The following TMED5 variants were observed in gnomAD, a reference collection of about 807,000 sequenced individuals.
TMED5 encodes the protein transmembrane emp24 domain-containing protein 5.
In TMED5, 27 loss-of-function variants were observed where a neutral mutation model predicts 23.0. The ratio of observed to expected loss-of-function variants is 1.17; its 90% CI spans 0.86 to 1.62. The LOEUF is 1.62. Among genes scored for constraint, TMED5 ranks in the 40% most tolerant of loss-of-function variants. The pLI is 0.00. For synonymous variants in TMED5, 97 were observed against 100.8 expected, an observed-to-expected ratio of 0.96 and a Z score of 0.23; for missense variants, 248 against 273.7, an observed-to-expected ratio of 0.91 and a Z score of 0.66.
intron 1 of TMED5, among the ~76,000 whole-genome samples, chr1:93,169,091 A>T (rs1004327846): frequency 6.6e-5 from 10 of 152,236 alleles, no homozygotes; most frequent in Non-Finnish European, 2.9e-5. Context: ...ACCATCAATC[A>T]AATGTGTCTA....
At chr1:93,174,733 C>T (rs1177234333) in intron 1 of TMED5, among the ~76,000 whole-genome samples, 3 of 152,168 alleles carry the variant, frequency 2.0e-5, no homozygotes, top group Non-Finnish European at 2.9e-5. Context: ...TAAGTGAGAA[C>T]ACGTGGTATT....
rs1018272716 is a variant in TMED5, at chr1:93,151,415, G to C, written c.*3255C>G. The C allele has an allele frequency of 6.6e-6, 1 of 152,186 alleles. No homozygotes were observed. The highest frequency in any genetic ancestry group is 1.5e-5 in the Non-Finnish European group (1 of 68,020). 9.4% of individuals were successfully genotyped at this position (152,186 alleles called of 1,614,324 possible). A position where few individuals can be genotyped will look rare whatever the true frequency, so the allele number is the denominator to read the frequency against. ...TTAAAATATTTCTGAAAATGAAATA[G>C]TCTCAAAGGAGTTTTGATTTTGCAA... On this transcript the variant is annotated 3_prime_UTR_variant, in exon 4 of 4. Coordinates refer to ENST00000370282, the MANE Select transcript of TMED5 (RefSeq NM_016040.5).
At chr1:93,165,895 C>T (rs1203802336) in intron 1 of TMED5, among the ~76,000 whole-genome samples, 3 of 152,100 alleles carry the variant, frequency 2.0e-5, no homozygotes, top group African/African-American at 7.2e-5. Flanking sequence ...CACACCTTCC[C>T]CTCCACCCCC....
In TMED5 at chr1:93,152,846, C is replaced by G. The variant is rs941405662; in HGVS notation, c.*1824G>C. On this transcript the variant is annotated 3_prime_UTR_variant, in exon 4 of 4. Coordinates refer to ENST00000370282, the MANE Select transcript of TMED5 (RefSeq NM_016040.5). Reference sequence around the variant, plus strand: ...GGCAAGGATCTTATTGACCTTTGTTCTGCAAGTGTTGCAGAGGATACCCCT... The same window carrying G: ...GGCAAGGATCTTATTGACCTTTGTTGTGCAAGTGTTGCAGAGGATACCCCT... 1 of 152,536 alleles carries G rather than the reference C, an allele frequency of 6.6e-6. No homozygotes were observed. Among genetic ancestry groups the G allele is most frequent in the South Asian group, 2.1e-4 (1 of 4,824 alleles). 9.4% of individuals were successfully genotyped at this position (152,536 alleles called of 1,614,324 possible).
At chr1:93,158,888 A>G (rs1316901318) in intron 2 of TMED5, 4 of 944,970 alleles carry the variant, frequency 4.2e-6, no homozygotes, top group Non-Finnish European at 5.0e-6. Flanking sequence ...TTATACACCT[A>G]TCAAAGAGAA....
chr1:93,153,061 T>C lies in TMED5; in HGVS notation c.*1609A>G, dbSNP rs1184277569. On this transcript the variant is annotated 3_prime_UTR_variant, in exon 4 of 4. Coordinates refer to ENST00000370282, the MANE Select transcript of TMED5 (RefSeq NM_016040.5). Reference sequence around the variant, plus strand: ...ACTCTCTGGTTATCATTATTGCTCATCAAGAATTCCAGCATTACTAACCTG... The same window carrying C: ...ACTCTCTGGTTATCATTATTGCTCACCAAGAATTCCAGCATTACTAACCTG... 6.6e-6 allele frequency: 1 copy of C among 152,606 alleles called. No individual in the cohort carries two copies. Among genetic ancestry groups the C allele is most frequent in the Non-Finnish European group, 1.5e-5 (1 of 68,004 alleles). The allele number at this position is 152,606 out of a possible 1,614,324, so 9.5% of individuals were successfully genotyped here. A position where few individuals can be genotyped will look rare whatever the true frequency, so the allele number is the denominator to read the frequency against.
chr1:93,158,074 A>C (rs1213159591), intron 2 of TMED5, among the ~76,000 whole-genome samples: 2 of 148,940 alleles, frequency 1.3e-5, no homozygotes, highest in Non-Finnish European at 3.0e-5. Flanking sequence ...CAGTGAGCCG[A>C]GATCGCGCCA....
At chr1:93,179,367 C>CAAAAAAA (rs11332484) in intron 1 of TMED5, among the ~76,000 whole-genome samples, 1 of 96,166 alleles carries the variant, frequency 1.0e-5, no homozygotes, top group African/African-American at 4.0e-5. Context: ...GACTCCGTCT[C>CAAAAAAA]AAAAAAAAAA....
At chr1:93,157,840 G>C (rs993340003) in intron 2 of TMED5, among the ~76,000 whole-genome samples, 1 of 152,126 alleles carries the variant, frequency 6.6e-6, no homozygotes, top group Non-Finnish European at 1.5e-5. Context: ...AAACAGATTT[G>C]TAGGCCGGGC....
At chr1:93,163,198 A>T (rs951483403) in intron 1 of TMED5, 1 of 152,154 alleles carries the variant, frequency 6.6e-6, no homozygotes, top group Non-Finnish European at 1.5e-5. Flanking sequence ...ATATTAAATC[A>T]GAAAACAAGC....
At chr1:93,169,920 A>ACACACACACAC (rs1553159711) in intron 1 of TMED5, among the ~76,000 whole-genome samples, 2 of 39,236 alleles carry the variant, frequency 5.1e-5, no homozygotes, top group Non-Finnish European at 1.2e-4. Flanking sequence ...CACACACACA[A>ACACACACACAC]AATTAGGCAG....
chr1:93,156,557 TAAG>T (rs1648081895), intron 2 of TMED5, 74 bp from the exon 3 acceptor site: 35 of 1,252,770 alleles, frequency 2.8e-5, no homozygotes, highest in Non-Finnish European at 3.8e-5. Flanking sequence ...AAGGTAAAAA[TAAG>T]AAGTAACAGG....
chr1:93,159,023 A>C (rs530666458), intron 2 of TMED5: 1 of 185,854 alleles, frequency 5.4e-6, no homozygotes, highest in East Asian at 1.9e-4. Context: ...TTTAAAATGC[A>C]TTTTAAATGA....
chr1:93,169,549 C>T (rs1648623949), intron 1 of TMED5, among the ~76,000 whole-genome samples: 1 of 147,056 alleles, frequency 6.8e-6, no homozygotes, highest in African/African-American at 2.5e-5. Flanking sequence ...AGAAGAAAAA[C>T]ATTAGAGCAG....
chr1:93,180,276 T>G lies in TMED5; in HGVS notation c.-34A>C. On this transcript the variant is annotated 5_prime_UTR_variant, in exon 1 of 4. Coordinates refer to ENST00000370282, the MANE Select transcript of TMED5 (RefSeq NM_016040.5). The stretch of plus-strand genomic sequence containing the variant: ...GGGCGATCCCGGGCTGAAAGAGGCG[T>G]CAGGTACTGTTGTCTCCGCTCCGCG... 2 of 1,582,168 alleles carry G rather than the reference T, an allele frequency of 1.3e-6. No homozygotes were observed. Among genetic ancestry groups the G allele is most frequent in the Non-Finnish European group, 1.7e-6 (2 of 1,167,814 alleles).
intron 2 of TMED5, chr1:93,158,923 T>C: frequency 4.9e-6 from 4 of 818,750 alleles, no homozygotes; most frequent in Non-Finnish European, 5.9e-6. Context: ...AGTATATCAA[T>C]ATAAACTGAC....
intron 1 of TMED5, among the ~76,000 whole-genome samples, chr1:93,172,845 A>C (rs1345146169): frequency 6.6e-6 from 1 of 152,214 alleles, no homozygotes; most frequent in African/African-American, 2.4e-5. Flanking sequence ...AAGACATAGA[A>C]ACAACCTAAG....
intron 1 of TMED5, among the ~76,000 whole-genome samples, chr1:93,169,631 TAA>T (rs1444476639): frequency 2.7e-5 from 4 of 150,192 alleles, no homozygotes; most frequent in Non-Finnish European, 5.9e-5. Context: ...ACTGGTTTTT[TAA>T]AAAGATCAAT....
Position 93,151,078 on chromosome 1 carries a change from A to T in TMED5, c.*3592T>A, listed in dbSNP as rs1647857273. The T allele has an allele frequency of 6.6e-6, 1 of 152,190 alleles. No individual in the cohort carries two copies. Among genetic ancestry groups the T allele is most frequent in the African/African-American group, 2.4e-5 (1 of 41,452 alleles). 9.4% of individuals were successfully genotyped at this position (152,190 alleles called of 1,614,324 possible). A position where few individuals can be genotyped will look rare whatever the true frequency, so the allele number is the denominator to read the frequency against. On this transcript the variant is annotated 3_prime_UTR_variant, in exon 4 of 4. Transcript: ENST00000370282. The stretch of plus-strand genomic sequence containing the variant: ...CTTTTTCTTTCAGATGCAGGGATCC[A>T]GAGTCCATCTCCATTGTGCCCTGTC...
Sources: gnomAD v4.1 joint callset for allele counts (sites outside exome capture counted in the v4.1 genomes callset) on GRCh38, gnomAD v4.1.1 for gene constraint, MANE v1.5 for transcripts, NCBI Gene and HGNC (gene_info 2026-07-23, HGNC 2026-07-21) for gene names.